Variants in PCDH9 observed in about 807,000 individuals in gnomAD.
PCDH9 encodes protocadherin-9.
PCDH9 carries 24 observed loss-of-function variants against 70.6 expected under a neutral mutation model. The observed-to-expected ratio is 0.34, with a 90% CI of 0.25 to 0.48. PCDH9 has a LOEUF of 0.48. PCDH9 is among the 20% of genes least tolerant of loss of function. PCDH9 has a pLI of 0.99. For missense variants in PCDH9, 1,281 were observed against 1,503.6 expected (o/e 0.85, Z 2.45); for synonymous variants, 562 against 558.5 (o/e 1.01, Z -0.09).
chr13:66,936,380 A>C (rs1255694193), intron 2 of PCDH9, among the ~76,000 whole-genome samples: 1 of 152,138 alleles, frequency 6.6e-6, no homozygotes, highest in Admixed American at 6.5e-5. Flanking sequence ...GGGTCCAAAA[A>C]CTCGATCTAG....
intron 4 of PCDH9, among the ~76,000 whole-genome samples, chr13:66,492,626 A>G (rs1266960281): frequency 2.0e-5 from 3 of 151,998 alleles, no homozygotes; most frequent in Non-Finnish European, 4.4e-5. Context: ...GCTGTCAGAA[A>G]AGATAGATGG....
intron 4 of PCDH9, among the ~76,000 whole-genome samples, chr13:66,338,642 A>T (rs1276155675): frequency 6.6e-6 from 1 of 151,388 alleles, no homozygotes; most frequent in East Asian, 1.9e-4. Context: ...GTGTGTGTGT[A>T]GAGGGGTGGG....
intron 4 of PCDH9, among the ~76,000 whole-genome samples, chr13:66,507,727 T>C (rs1959252979): frequency 6.6e-6 from 1 of 151,298 alleles, no homozygotes; most frequent in Non-Finnish European, 1.5e-5. Context: ...TGTTTGTTTG[T>C]TTGTTTGTTT....
chr13:66,819,836 C>T (rs2080678849), intron 3 of PCDH9, among the ~76,000 whole-genome samples: 1 of 152,230 alleles, frequency 6.6e-6, no homozygotes, highest in South Asian at 2.1e-4. Context: ...GCCCATGCTA[C>T]AGTGAGCAGT....
In PCDH9 at chr13:66,319,268, C is replaced by G. The variant is rs534528229; in HGVS notation, c.3341-14240G>C. ...GCCCCATGATCCAATCACTTCCCTTCCTCGACATGTGAGGATTACAATTTG... is the reference window on the plus strand; with the variant it reads ...GCCCCATGATCCAATCACTTCCCTTGCTCGACATGTGAGGATTACAATTTG... On this transcript the variant is annotated intron_variant, in intron 4 of 4. Coordinates refer to ENST00000377865, the MANE Select transcript of PCDH9 (RefSeq NM_203487.3). 9.8e-4 allele frequency among the ~76,000 whole-genome samples: 149 copies of G among 152,270 alleles called. 1 individual carries two copies. Among genetic ancestry groups the G allele is most frequent in the Middle Eastern group, 3.4e-3 (1 of 294 alleles).
chr13:66,590,417 TTTTC>T, intron 4 of PCDH9, among the ~76,000 whole-genome samples: 1 of 151,998 alleles, frequency 6.6e-6, no homozygotes, highest in East Asian at 1.9e-4. Context: ...GACAAAGTCT[TTTTC>T]AAAGTTATCT....
intron 2 of PCDH9, among the ~76,000 whole-genome samples, chr13:66,931,922 A>G (rs2082816875): frequency 6.6e-6 from 1 of 152,128 alleles, no homozygotes; most frequent in South Asian, 2.1e-4. Context: ...ACTGAAAATG[A>G]GTAAGGTACT....
At chr13:66,606,259 T>G (rs1275615950) in intron 4 of PCDH9, among the ~76,000 whole-genome samples, 3 of 152,098 alleles carry the variant, frequency 2.0e-5, no homozygotes, top group Non-Finnish European at 4.4e-5. Context: ...ATCTCCCTCC[T>G]GAATACATGT....
At chr13:66,858,791 C>G (rs1054602503) in intron 3 of PCDH9, among the ~76,000 whole-genome samples, 4 of 152,032 alleles carry the variant, frequency 2.6e-5, no homozygotes, top group African/African-American at 9.7e-5. Context: ...TATTTGTTTA[C>G]ATGTCTGACT....
intron 2 of PCDH9, among the ~76,000 whole-genome samples, chr13:67,129,910 C>A (rs962537327): frequency 1.3e-5 from 2 of 151,648 alleles, no homozygotes; most frequent in South Asian, 4.2e-4. Flanking sequence ...AGACCATATT[C>A]CTTATTATTA....
chr13:66,307,753 A>G (rs889475717), intron 4 of PCDH9, among the ~76,000 whole-genome samples: 2 of 152,062 alleles, frequency 1.3e-5, no homozygotes, highest in South Asian at 2.1e-4. Flanking sequence ...GTGCAAGGCT[A>G]TTTTAAAATT....
In PCDH9 at chr13:66,794,977, G is replaced by GCGCA. The variant is rs138730894; in HGVS notation, c.3138+108526_3138+108527insTGCG. Among the ~76,000 whole-genome samples, 1,140 of 147,394 alleles carry GCGCA rather than the reference G, an allele frequency of 7.7e-3. 22 individuals carry two copies. Among genetic ancestry groups the GCGCA allele is most frequent in the African/African-American group, 0.027 (1,085 of 40,016 alleles). On this transcript the variant is annotated intron_variant, in intron 3 of 4. Transcript: ENST00000377865. ...AACTAACCCAAACGGACACACACAG[G>GCGCA]CACACACACACACACACACACACAC...
intron 2 of PCDH9, among the ~76,000 whole-genome samples, chr13:67,011,907 C>T (rs1255264267): frequency 6.6e-6 from 1 of 151,876 alleles, no homozygotes; most frequent in African/African-American, 2.4e-5. Flanking sequence ...TGAAATTCAT[C>T]TTTCTTTTAC....
At chr13:66,525,011 C>T (rs1264380899) in intron 4 of PCDH9, among the ~76,000 whole-genome samples, 3 of 151,966 alleles carry the variant, frequency 2.0e-5, no homozygotes, top group African/African-American at 7.2e-5. Flanking sequence ...AGAGCATGAA[C>T]ATGTGCTTGC....
intron 4 of PCDH9, among the ~76,000 whole-genome samples, chr13:66,319,159 G>A (rs1208901917): frequency 1.3e-5 from 2 of 152,138 alleles, no homozygotes; most frequent in African/African-American, 4.8e-5. Flanking sequence ...GAGAAAGAGT[G>A]TGTGTAGGAG....
intron 2 of PCDH9, among the ~76,000 whole-genome samples, chr13:67,147,179 C>A (rs1937487011): frequency 6.6e-6 from 1 of 152,102 alleles, no homozygotes; most frequent in Admixed American, 6.5e-5. Context: ...TCAGGCTTAA[C>A]TTTCTTTTTT....
chr13:66,953,610 C>G (rs1207055777), intron 2 of PCDH9, among the ~76,000 whole-genome samples: 1 of 152,156 alleles, frequency 6.6e-6, no homozygotes, highest in Non-Finnish European at 1.5e-5. Flanking sequence ...CCTGCCCTTT[C>G]CTCATCACAA....
At chr13:67,093,929 C>A (rs898401134) in intron 2 of PCDH9, among the ~76,000 whole-genome samples, 6 of 151,908 alleles carry the variant, frequency 3.9e-5, no homozygotes, top group Non-Finnish European at 7.4e-5. Context: ...GAAAAGGTAC[C>A]AGATATAAAG....
chr13:66,710,740 T>C (rs992094435), intron 3 of PCDH9, among the ~76,000 whole-genome samples: 7 of 152,152 alleles, frequency 4.6e-5, no homozygotes, highest in Non-Finnish European at 1.5e-5. Context: ...CTTGAGGTTC[T>C]CAGGGAGAAT....
Sources: gnomAD v4.1 joint callset for allele counts (sites outside exome capture counted in the v4.1 genomes callset) on GRCh38, gnomAD v4.1.1 for gene constraint, MANE v1.5 for transcripts, NCBI Gene and HGNC (gene_info 2026-07-23, HGNC 2026-07-21) for gene names.